Variants in OIP5 observed in about 807,000 individuals in gnomAD.
OIP5 encodes the protein protein Mis18-beta.
OIP5 carries 24 observed loss-of-function variants against 20.3 expected under a neutral mutation model. That is an observed-to-expected ratio of 1.18 (90% CI 0.86 to 1.66). The LOEUF (loss-of-function observed/expected upper bound fraction) is 1.66, where lower values mean the gene tolerates loss of function less well. OIP5 is among the 40% of genes most tolerant of loss of function. OIP5 has a pLI of 0.00. For missense variants in OIP5, 339 were observed against 289.5 expected (o/e 1.17, Z -1.24); for synonymous variants, 143 against 121.3 (o/e 1.18, Z -1.17).
intron 2 of OIP5, among the ~76,000 whole-genome samples, chr15:41,320,921 G>A (rs1265328783): frequency 1.3e-5 from 2 of 149,956 alleles, no homozygotes; most frequent in South Asian, 2.1e-4. Context: ...TGTGGGGAAC[G>A]CCTCTGCCCT....
chr15:41,330,184 G>T (rs1458192431), intron 2 of OIP5, among the ~76,000 whole-genome samples: 4 of 151,806 alleles, frequency 2.6e-5, no homozygotes, highest in African/African-American at 9.7e-5. Context: ...TCCACCTCCC[G>T]GGTTCAAGCG....
At chr15:41,327,184 AT>A (rs971332109) in intron 2 of OIP5, among the ~76,000 whole-genome samples, 80 of 146,552 alleles carry the variant, frequency 5.5e-4, no homozygotes, top group South Asian at 2.8e-3. Context: ...GTATGTTTAA[AT>A]TTTTTTTTTT....
At chr15:41,320,367 C>A (rs917014970) in intron 2 of OIP5, among the ~76,000 whole-genome samples, 4 of 151,470 alleles carry the variant, frequency 2.6e-5, no homozygotes, top group African/African-American at 9.7e-5. Flanking sequence ...CGGCTCACTG[C>A]AACCTCCCTG....
intron 2 of OIP5, among the ~76,000 whole-genome samples, chr15:41,320,958 G>A (rs990521018): frequency 6.6e-6 from 1 of 151,050 alleles, no homozygotes; most frequent in Non-Finnish European, 1.5e-5. Flanking sequence ...TGTGAGGAGC[G>A]CCTCTGCCCG....
At chr15:41,330,080 T>C (rs973027561) in intron 2 of OIP5, among the ~76,000 whole-genome samples, 4 of 152,028 alleles carry the variant, frequency 2.6e-5, no homozygotes, top group African/African-American at 9.7e-5. Flanking sequence ...AAAAATGTCA[T>C]TTCACCATGT....
chr15:41,309,954 T>C, intron 4 of OIP5, 105 bp from the exon 5 acceptor site: 1 of 688,040 alleles, frequency 1.5e-6, no homozygotes, highest in Non-Finnish European at 2.4e-6. Context: ...AGTGGCACAT[T>C]CATAGTTCAC....
Position 41,332,521 on chromosome 15 carries a change from G to C in OIP5, c.41C>G (p.Thr14Arg). ...QPLRHRSRCA[T>R]PPRGDFCGGT... The stretch of plus-strand genomic sequence containing the variant: ...ACCACAAAAGTCCCCCCGGGGCGGC[G>C]TTGCACAACGTGAGCGATGCCGCAG... Residue 14 changes from threonine to arginine, a missense_variant, in exon 1 of 5, where the codon ACG becomes AGG. Thr to Arg is a moderately conservative substitution (Grantham distance 71). Coordinates refer to ENST00000220514, the MANE Select transcript of OIP5 (RefSeq NM_007280.2). 1 of 1,612,554 alleles carries C rather than the reference G, an allele frequency of 6.2e-7. No homozygotes were observed. The highest frequency in any genetic ancestry group is 8.5e-7 in the Non-Finnish European group (1 of 1,179,464).
chr15:41,319,670 T>C lies in OIP5; in HGVS notation c.500A>G (p.Asp167Gly), dbSNP rs767655639. The C allele has an allele frequency of 6.2e-7, 1 of 1,613,264 alleles. No homozygotes were observed. Among genetic ancestry groups the C allele is most frequent in the East Asian group, 2.2e-5 (1 of 44,866 alleles). ...TAAGTCTACTCACCACACCATTTTG[T>C]CACTGGAAAGGCAGAAGTGACCTCT... The part of the protein sequence containing the change: ...ALRGHFCLSS[D>G]KMVCYLLKTK... Residue 167 changes from aspartate (D) to glycine (G), a missense_variant, in exon 3 of 5, where the codon GAC (aspartate) becomes GGC (glycine). Physicochemically the swap from Asp to Gly is moderately conservative, Grantham distance 94. Transcript: ENST00000220514.
intron 2 of OIP5, among the ~76,000 whole-genome samples, chr15:41,325,018 A>G (rs972044608): frequency 6.6e-6 from 1 of 152,182 alleles, no homozygotes; most frequent in Non-Finnish European, 1.5e-5. Context: ...GCTATCTTCA[A>G]TGGGTGCGGT....
intron 3 of OIP5, among the ~76,000 whole-genome samples, chr15:41,314,619 T>C (rs1440545920): frequency 2.0e-5 from 3 of 149,918 alleles, no homozygotes; most frequent in Non-Finnish European, 4.4e-5. Flanking sequence ...CTGGGCAACA[T>C]AGCGAAACTC....
chr15:41,326,599 G>A (rs533815054), intron 2 of OIP5, among the ~76,000 whole-genome samples: 8 of 152,204 alleles, frequency 5.3e-5, no homozygotes, highest in African/African-American at 1.9e-4. Context: ...GGCTAATTTT[G>A]TCTTTTACTA....
intron 2 of OIP5, among the ~76,000 whole-genome samples, chr15:41,327,267 C>T (rs1038966693): frequency 1.3e-5 from 2 of 150,872 alleles, no homozygotes; most frequent in East Asian, 2.0e-4. Flanking sequence ...CTGCAACCTC[C>T]GCCTCCTGGG....
In OIP5 at chr15:41,332,258, C is replaced by T; in HGVS notation, c.304G>A (p.Gly102Arg). The T allele has an allele frequency of 6.5e-7, 1 of 1,550,208 alleles. No individual in the cohort carries two copies. Among genetic ancestry groups the T allele is most frequent in the Non-Finnish European group, 8.7e-7 (1 of 1,149,780 alleles). The change falls in exon 1 of 5, where the codon GGG becomes AGG. Residue 102 changes from glycine to arginine, a missense_variant. Transcript: ENST00000220514. ...HLAWDLSRSL[G>R]AVVFSRVTNN... ...CACTCACTGGAGAAGACCACGGCCC[C>T]GAGGGACCGCGACAGGTCCCAGGCG...
At position 41,325,710 on chromosome 15, in the gene OIP5, C is replaced by T. The variant is rs183656362; in HGVS notation, c.390-5930G>A. On this transcript the variant is annotated intron_variant, in intron 2 of 4. Coordinates refer to ENST00000220514, the MANE Select transcript of OIP5 (RefSeq NM_007280.2). ...AATAAAAATACAAAAATTAGCTGGG[C>T]GTGGTGGCACGCACCTGTAATCCCA... is the stretch of plus-strand genomic sequence containing the variant. 6.0e-5 allele frequency among the ~76,000 whole-genome samples: 9 copies of T among 150,884 alleles called. No homozygotes were observed. The East Asian group carries it at 1.6e-3, about 26-fold the overall frequency.
At chr15:41,309,958 A>G in intron 4 of OIP5, 109 bp from the exon 5 acceptor site, 1 of 644,454 alleles carries the variant, frequency 1.6e-6, no homozygotes, top group African/African-American at 1.9e-5. Flanking sequence ...GCACATTCAT[A>G]GTTCACTGCA....
intron 3 of OIP5, among the ~76,000 whole-genome samples, chr15:41,318,663 A>ATAAG (rs1333497101): frequency 6.6e-6 from 1 of 152,050 alleles, no homozygotes; most frequent in Non-Finnish European, 1.5e-5. Flanking sequence ...ATATGGTATG[A>ATAAG]TAAGACATGG....
chr15:41,322,282 ATAAATGTTTTACAAGAAAAGCACTT>A (rs1161964701), intron 2 of OIP5, among the ~76,000 whole-genome samples: 1 of 152,218 alleles, frequency 6.6e-6, no homozygotes. Context: ...TAAAAAATAA[ATAAATGTTTTACAAGAAAAGCACTT>A]TAAGAAAATA....
At chr15:41,316,679 A>G (rs2047790475) in intron 3 of OIP5, among the ~76,000 whole-genome samples, 1 of 150,260 alleles carries the variant, frequency 6.7e-6, no homozygotes, top group Admixed American at 6.7e-5. Flanking sequence ...AGTTCCAGCT[A>G]CTTGGGAGGC....
chr15:41,316,698 G>C (rs978845317), intron 3 of OIP5, among the ~76,000 whole-genome samples: 1 of 146,998 alleles, frequency 6.8e-6, no homozygotes, highest in Non-Finnish European at 1.5e-5. Context: ...GCTGAGGCAG[G>C]AGAATGGTGT....
Sources: allele counts gnomAD v4.1 joint callset (sites outside exome capture counted in the v4.1 genomes callset), GRCh38; gene constraint gnomAD v4.1.1; transcripts MANE v1.5; gene names NCBI Gene and HGNC (gene_info 2026-07-23, HGNC 2026-07-21).